Variants in POTEF observed in about 807,000 individuals in gnomAD.
The protein encoded by POTEF is ANKRD26-like family C member 1B.
POTEF carries 20 observed loss-of-function variants against 83.2 expected under a neutral mutation model. That is an observed-to-expected ratio of 0.24 (90% confidence interval 0.17 to 0.35). POTEF has a LOEUF of 0.35. Ranked by LOEUF, POTEF falls within the 10% of genes least tolerant of loss-of-function variation. The pLI is 1.00. For missense variants in POTEF, 550 were observed against 1,203.2 expected, an observed-to-expected ratio of 0.46 and a Z score of 8.03; for synonymous variants, 196 against 446.4, an observed-to-expected ratio of 0.44 and a Z score of 7.07.
intron 8 of POTEF, chr2:130,107,776 A>C: frequency 2.1e-6 from 1 of 474,482 alleles, no homozygotes. Context: ...CAGAAAAATA[A>C]GTTCAGAGCT....
chr2:130,075,922 TAAAATA>T (rs1683789552), intron 16 of POTEF, among the ~76,000 whole-genome samples: 1 of 150,590 alleles, frequency 6.6e-6, no homozygotes, highest in Admixed American at 6.6e-5. Context: ...CCCAGAGGCA[TAAAATA>T]TAAGATTAAT....
Position 130,113,255 on chromosome 2 carries a change from C to G in POTEF, c.811-1154G>C, listed in dbSNP as rs1427420015. Among the ~76,000 whole-genome samples, 7 of 115,614 alleles carry G rather than the reference C, an allele frequency of 6.1e-5. No individual in the cohort carries two copies. In the Middle Eastern group the frequency reaches 0.012, roughly 194 times the overall value. The allele number at this position is 115,614 out of a possible 152,430, so 75.8% of individuals were successfully genotyped here. ...AAAAAAAAAACTGAGGTTGGAGGAC[C>G]ATCTGAGCTTGGAGAGGTCGAGGCT... On this transcript the variant is annotated intron_variant, in intron 5 of 16. Transcript: ENST00000409914.
intron 11 of POTEF, among the ~76,000 whole-genome samples, chr2:130,096,479 CA>C (rs1235334603): frequency 4.1e-5 from 5 of 122,334 alleles, no homozygotes; most frequent in Admixed American, 8.1e-5. Context: ...GTGTAGATTT[CA>C]GGAAGGACAT....
At chr2:130,095,056 C>A (rs1684212409) in intron 11 of POTEF, among the ~76,000 whole-genome samples, 1 of 58,734 alleles carries the variant, frequency 1.7e-5, no homozygotes, top group African/African-American at 6.8e-5. Context: ...GAGATGGAGT[C>A]TTGCTCTGTC....
At chr2:130,104,596 T>C (rs927649482) in intron 8 of POTEF, among the ~76,000 whole-genome samples, 5 of 151,630 alleles carry the variant, frequency 3.3e-5, no homozygotes, top group African/African-American at 1.2e-4. Context: ...GTCAGAACTA[T>C]GACATGAAGT....
Position 130,075,300 on chromosome 2 carries a change from G to C in POTEF, c.2172C>G (p.Asp724Glu), listed in dbSNP as rs62165872. 2.8e-6 allele frequency: 4 copies of C among 1,448,270 alleles called. No homozygotes were observed. In the East Asian group the frequency reaches 9.9e-5, roughly 36 times the overall value. 89.7% of individuals were successfully genotyped at this position (1,448,270 alleles called of 1,614,324 possible). ...SGMCKAGFAG[D>E]DAPRAVFPSI... ...AAGGGAAGACAGCCCGGGGGGCATC[G>C]TCGCCCGCAAAGCCGGCCTTGCACA... is the stretch of plus-strand genomic sequence containing the variant. Residue 724 changes from aspartate to glutamate, a missense_variant, in exon 17 of 17, where the codon GAC becomes GAG. Asp to Glu is a conservative substitution (Grantham distance 45). Coordinates refer to ENST00000409914, the MANE Select transcript of POTEF (RefSeq NM_001099771.2).
At chr2:130,120,803 C>T in intron 2 of POTEF, 195 bp from the exon 3 acceptor site, 11 of 542,262 alleles carry the variant, frequency 2.0e-5, no homozygotes, top group South Asian at 1.3e-4. Context: ...CAAGGGAATG[C>T]CAAACCCAGC....
intron 8 of POTEF, among the ~76,000 whole-genome samples, chr2:130,105,567 A>T (rs1445964950): frequency 6.6e-6 from 1 of 151,492 alleles, no homozygotes; most frequent in Non-Finnish European, 1.5e-5. Context: ...ATAGGAGCTC[A>T]GTCATGCCTG....
intron 8 of POTEF, among the ~76,000 whole-genome samples, chr2:130,104,319 T>A (rs983154869): frequency 6.9e-6 from 1 of 144,254 alleles, no homozygotes; most frequent in Non-Finnish European, 1.5e-5. Flanking sequence ...AACCACATTG[T>A]GTTTGAGTCA....
chr2:130,124,558 A>C (rs982659514), intron 2 of POTEF, among the ~76,000 whole-genome samples: 6 of 144,854 alleles, frequency 4.1e-5, no homozygotes, highest in African/African-American at 1.3e-4. Flanking sequence ...TTCTTACAAT[A>C]AATACATCTT....
intron 2 of POTEF, among the ~76,000 whole-genome samples, chr2:130,124,709 G>A (rs1685055892): frequency 1.1e-5 from 1 of 90,966 alleles, no homozygotes. Context: ...AGTTCTTGGG[G>A]TTCCATGAGG....
At position 130,121,058 on chromosome 2, in the gene POTEF, C is replaced by T. The variant is rs1266517892; in HGVS notation, c.-93-450G>A. Among the ~76,000 whole-genome samples, 7 of 151,268 alleles carry T rather than the reference C, an allele frequency of 4.6e-5. No homozygotes were observed. In the South Asian group the frequency reaches 8.3e-4, roughly 18 times the overall value. On this transcript the variant is annotated intron_variant, in intron 2 of 16. Transcript: ENST00000409914. ...GTTACAGGCCGGCCAAACCGTTATG[C>T]GCGTGCGGCGTGCGCGTGCAAGCCG... is the stretch of plus-strand genomic sequence containing the variant.
chr2:130,117,405 A>G (rs1684870907), intron 3 of POTEF, among the ~76,000 whole-genome samples: 1 of 151,850 alleles, frequency 6.6e-6, no homozygotes, highest in Admixed American at 6.6e-5. Flanking sequence ...TTGCATTACT[A>G]ATGAACTTTA....
intron 8 of POTEF, among the ~76,000 whole-genome samples, chr2:130,105,076 G>A (rs1472590123): frequency 6.8e-6 from 1 of 147,568 alleles, no homozygotes; most frequent in Non-Finnish European, 1.5e-5. Context: ...CTGGAAACCT[G>A]GAAATTATCT....
intron 2 of POTEF, among the ~76,000 whole-genome samples, chr2:130,122,656 T>G (rs1384909739): frequency 6.6e-6 from 1 of 151,614 alleles, no homozygotes; most frequent in Non-Finnish European, 1.5e-5. Flanking sequence ...AATATTAATT[T>G]TTTCAATTGA....
intron 15 of POTEF, among the ~76,000 whole-genome samples, chr2:130,083,222 C>G (rs1683936535): frequency 6.7e-6 from 1 of 148,570 alleles, no homozygotes; most frequent in Non-Finnish European, 1.5e-5. Context: ...GTAATCCCAG[C>G]TACTCAGGAG....
intron 15 of POTEF, among the ~76,000 whole-genome samples, chr2:130,079,613 C>T (rs2104778067): frequency 1.3e-5 from 1 of 74,538 alleles, no homozygotes; most frequent in South Asian, 4.3e-4. Context: ...ATGTTTACTG[C>T]AGCACAATTC....
At chr2:130,121,121 C>CGA (rs1558896912) in intron 2 of POTEF, among the ~76,000 whole-genome samples, 3 of 150,742 alleles carry the variant, frequency 2.0e-5, no homozygotes, top group Admixed American at 6.6e-5. Flanking sequence ...CGTGTGCGCG[C>CGA]GGCGTGCGCG....
At chr2:130,113,352 A>AAC (rs1684761995) in intron 5 of POTEF, among the ~76,000 whole-genome samples, 1 of 130,282 alleles carries the variant, frequency 7.7e-6, no homozygotes, top group African/African-American at 3.0e-5. Flanking sequence ...AAAAAAAAAA[A>AAC]AAAGTCAGAT....
Sources: gnomAD v4.1 joint callset for allele counts (sites outside exome capture counted in the v4.1 genomes callset) on GRCh38, gnomAD v4.1.1 for gene constraint, MANE v1.5 for transcripts, NCBI Gene and HGNC (gene_info 2026-07-23, HGNC 2026-07-21) for gene names.